SLC38A10: variants seen among roughly 807,000 people sequenced by gnomAD.
SLC38A10 encodes the protein Sodium-coupled neutral amino acid transporter 10.
SLC38A10 carries 53 observed loss-of-function variants against 81.0 expected under a neutral mutation model. The observed-to-expected ratio is 0.65, with a 90% CI of 0.53 to 0.82. The LOEUF is 0.82. Among genes scored for constraint, SLC38A10 ranks in the 40% least tolerant of loss-of-function variants. The probability of loss-of-function intolerance (pLI) is 0.00; values close to 1 mark genes in which losing one functional copy is unlikely to be tolerated. For missense variants in SLC38A10, 1,471 were observed against 1,545.0 expected, an observed-to-expected ratio of 0.95 and a Z score of 0.80; for synonymous variants, 665 against 655.3, an observed-to-expected ratio of 1.01 and a Z score of -0.23.
intron 10 of SLC38A10, among the ~76,000 whole-genome samples, chr17:81,267,990 A>G (rs2063083860): frequency 6.6e-6 from 1 of 151,500 alleles, no homozygotes; most frequent in Non-Finnish European, 1.5e-5. Flanking sequence ...CTCGAGGGAG[A>G]GAAGGAAACC....
At chr17:81,292,271 C>T (rs1347285557) in intron 1 of SLC38A10, among the ~76,000 whole-genome samples, 2 of 151,982 alleles carry the variant, frequency 1.3e-5, no homozygotes, top group African/African-American at 4.8e-5. Flanking sequence ...GGACTACAGG[C>T]GCCTGACATC....
At position 81,273,319 on chromosome 17, in the gene SLC38A10, G is replaced by T. The variant is rs1272714899; in HGVS notation, c.913-692C>A. ...CCAGGACCCCCAGCTGTGGTCTCTAGTACAGGACACAGGAGCCAGACCACC... is the reference window on the plus strand; with the variant it reads ...CCAGGACCCCCAGCTGTGGTCTCTATTACAGGACACAGGAGCCAGACCACC... On this transcript the variant is annotated intron_variant, in intron 8 of 15. Transcript: ENST00000374759. Among the ~76,000 whole-genome samples the T allele has an allele frequency of 4.6e-5, 7 of 152,144 alleles. No individual in the cohort carries two copies. The East Asian group carries it at 1.3e-3, about 29-fold the overall frequency.
intron 6 of SLC38A10, chr17:81,280,200 G>A: frequency 2.2e-6 from 1 of 446,242 alleles, no homozygotes; most frequent in South Asian, 1.6e-5. Flanking sequence ...CGCACATGCA[G>A]GCCTCCAAAT....
In SLC38A10 at chr17:81,245,619, T is replaced by C. The variant is rs2062840522; in HGVS notation, c.3297A>G (p.Gly1099=). ...GCCGGCTGTGGACCACCTGCAGAGCTCCCCCCGCAGCCTGGCGGAGCTGGG... is the reference window on the plus strand; with the variant it reads ...GCCGGCTGTGGACCACCTGCAGAGCCCCCCCCGCAGCCTGGCGGAGCTGGG... ...LDAQLRQAAG[G]ALQVVHSRQL... The change falls in exon 16 of 16, where the codon GGA becomes GGG. Residue 1099 remains glycine (G), a synonymous_variant. Coordinates refer to ENST00000374759, the MANE Select transcript of SLC38A10 (RefSeq NM_001037984.3). 1 of 1,611,726 alleles carries C rather than the reference T, an allele frequency of 6.2e-7. No individual in the cohort carries two copies. Among genetic ancestry groups the C allele is most frequent in the South Asian group, 1.1e-5 (1 of 91,000 alleles).
At position 81,260,946 on chromosome 17, in the gene SLC38A10, C is replaced by T. The variant is rs58340336; in HGVS notation, c.1132-552G>A. On this transcript the variant is annotated intron_variant, in intron 10 of 15. Transcript: ENST00000374759. ...CGCAAGGCTGGCCCCGTGCAGCAGA[C>T]GCAGGCCCGTGCGCATGAAGGGCTT... Among the ~76,000 whole-genome samples the T allele has an allele frequency of 9.8e-4, 150 of 152,374 alleles. 2 individuals carry two copies. In the East Asian group the frequency reaches 0.023, roughly 23 times the overall value.
rs959992977 is a variant in SLC38A10 at position 81,255,367 on chromosome 17, C to T, written c.1289-2127G>A. Among the ~76,000 whole-genome samples the T allele has an allele frequency of 2.0e-5, 3 of 152,266 alleles. No individual in the cohort carries two copies. In the East Asian group the frequency reaches 5.8e-4, roughly 29 times the overall value. On this transcript the variant is annotated intron_variant, in intron 11 of 15. Coordinates refer to ENST00000374759, the MANE Select transcript of SLC38A10 (RefSeq NM_001037984.3). ...CAGGGACAGTTTGCCGGCAGTGCCT[C>T]TTGGCTGCAGTAAAACTAACACAAA...
At position 81,246,524 on chromosome 17, in the gene SLC38A10, G is replaced by A. The variant is rs1385626346; in HGVS notation, c.2392C>T (p.Leu798Phe). 7 of 1,525,016 alleles carry A rather than the reference G, an allele frequency of 4.6e-6. No homozygotes were observed. The highest frequency in any genetic ancestry group is 5.3e-6 in the Non-Finnish European group (6 of 1,138,304). 94.5% of individuals were successfully genotyped at this position (1,525,016 alleles called of 1,614,324 possible). A position where few individuals can be genotyped will look rare whatever the true frequency, so the allele number is the denominator to read the frequency against. ...PGGRPAPSQD[L>F]NQRSLEHSEG... ...GAGTGCTCCAGGGAGCGCTGGTTAAGGTCCTGGGATGGAGCAGGGCGGCCC... is the reference window on the plus strand; with the variant it reads ...GAGTGCTCCAGGGAGCGCTGGTTAAAGTCCTGGGATGGAGCAGGGCGGCCC... The change falls in exon 16 of 16, where the codon CTT becomes TTT. Residue 798 changes from leucine to phenylalanine, a missense_variant. This residue lies in a region of SLC38A10 where 751 missense variants were observed against 717.4 expected (regional missense o/e 1.05). Coordinates refer to ENST00000374759, the MANE Select transcript of SLC38A10 (RefSeq NM_001037984.3).
rs1444280531 is a variant in SLC38A10, at chr17:81,277,150, C to T, written c.627-17G>A. The T allele has an allele frequency of 1.2e-6, 2 of 1,612,280 alleles. No individual in the cohort carries two copies. Among genetic ancestry groups the T allele is most frequent in the East Asian group, 2.2e-5 (1 of 44,866 alleles). ...AGCACCTGGCTGTATAGAAACAGGC[C>T]ATTTCACAGCGGACCTGAGAGAGGC... On this transcript the variant is annotated splice_polypyrimidine_tract_variant and intron_variant, in intron 6 of 15. Transcript: ENST00000374759. This position sits in a 1 kb window ranked among gnomAD's most constrained non-coding sequence, Gnocchi z 4.5.
chr17:81,271,243 G>A (rs564026754), intron 9 of SLC38A10, among the ~76,000 whole-genome samples: 1 of 152,342 alleles, frequency 6.6e-6, no homozygotes, highest in East Asian at 1.9e-4. Context: ...ATTCTCTGAT[G>A]GTTCATCTTT....
intron 1 of SLC38A10, among the ~76,000 whole-genome samples, chr17:81,293,303 G>A (rs72850652): frequency 0.063 from 9,597 of 152,328 alleles, 362 homozygotes; most frequent in East Asian, 0.13. Context: ...AGAGGTGGCT[G>A]GCAGAAAGCT....
rs758052660 is a variant in SLC38A10 at position 81,265,831 on chromosome 17, G to A, written c.1131+5087C>T. Among the ~76,000 whole-genome samples the A allele has an allele frequency of 9.9e-5, 15 of 152,174 alleles. No homozygotes were observed. The highest frequency in any genetic ancestry group is 3.2e-3 in the Middle Eastern group (1 of 316). Reference sequence around the variant, plus strand: ...GCACACGGTGGTCCGCTGGCCCCACGACCTACTGCGGAGCCGTAGGAGCGC... The same window carrying A: ...GCACACGGTGGTCCGCTGGCCCCACAACCTACTGCGGAGCCGTAGGAGCGC... On this transcript the variant is annotated intron_variant, in intron 10 of 15. Coordinates refer to ENST00000374759, the MANE Select transcript of SLC38A10 (RefSeq NM_001037984.3). The surrounding 1 kb of genome is among the most constrained non-coding windows in gnomAD (Gnocchi z 4.2).
rs2062940095 is a variant in SLC38A10 at position 81,253,550 on chromosome 17, T to G, written c.1289-310A>C. 6.6e-6 allele frequency among the ~76,000 whole-genome samples: 1 copy of G among 151,744 alleles called. No individual in the cohort carries two copies. Among genetic ancestry groups the G allele is most frequent in the Non-Finnish European group, 1.5e-5 (1 of 67,906 alleles). On this transcript the variant is annotated intron_variant, in intron 11 of 15. Coordinates refer to ENST00000374759, the MANE Select transcript of SLC38A10 (RefSeq NM_001037984.3). The surrounding 1 kb of genome is among the most constrained non-coding windows in gnomAD (Gnocchi z 4.1). ...ACCCACTCTCCCACAGTCCCCTCCATTACCATCACCTCCATCATCACCGTC... is the reference window on the plus strand; with the variant it reads ...ACCCACTCTCCCACAGTCCCCTCCAGTACCATCACCTCCATCATCACCGTC...
rs1404033261 is a variant in SLC38A10 at position 81,277,037 on chromosome 17, G to A, written c.723C>T (p.Tyr241=). 11 of 1,613,694 alleles carry A rather than the reference G, an allele frequency of 6.8e-6. No homozygotes were observed. Among genetic ancestry groups the A allele is most frequent in the South Asian group, 5.5e-5 (5 of 91,082 alleles). The change falls in exon 7 of 16, where the codon TAC becomes TAT. Residue 241 remains tyrosine (Y), a synonymous_variant. Coordinates refer to ENST00000374759, the MANE Select transcript of SLC38A10 (RefSeq NM_001037984.3). This position sits in a 1 kb window ranked among gnomAD's most constrained non-coding sequence, Gnocchi z 4.5. The part of the protein sequence containing the change: ...ASSLNVVTTF[Y]VMVGFFGYVS... Reference sequence around the variant, plus strand: ...GGCGTGGCAAGGCTCTTACCATGACGTAGAAGGTGGTGACCACATTAAGGG... The same window carrying A: ...GGCGTGGCAAGGCTCTTACCATGACATAGAAGGTGGTGACCACATTAAGGG...
chr17:81,246,725 C>T, intron 15 of SLC38A10, 52 bp from the exon 16 acceptor site: 1 of 1,500,704 alleles, frequency 6.7e-7, no homozygotes, highest in Non-Finnish European at 8.9e-7. Context: ...CACAGGCTGC[C>T]AGTGGAGGGG....
rs752480152 is a variant in SLC38A10, at chr17:81,253,052, C to G, written c.1456+21G>C. 1 of 1,608,682 alleles carries G rather than the reference C, an allele frequency of 6.2e-7. No homozygotes were observed. The highest frequency in any genetic ancestry group is 8.5e-7 in the Non-Finnish European group (1 of 1,178,512). On this transcript the variant is annotated intron_variant, in intron 12 of 15. Coordinates refer to ENST00000374759, the MANE Select transcript of SLC38A10 (RefSeq NM_001037984.3). The surrounding 1 kb of genome is among the most constrained non-coding windows in gnomAD (Gnocchi z 4.1). The stretch of plus-strand genomic sequence containing the variant: ...CCGGGGCCGCCCTTCCCCATCCGCA[C>G]CCCCAGCCAGTGCCCAGCACCTTGC...
intron 1 of SLC38A10, among the ~76,000 whole-genome samples, chr17:81,293,154 C>G (rs906585293): frequency 6.6e-6 from 1 of 152,222 alleles, no homozygotes; most frequent in Admixed American, 6.5e-5. Flanking sequence ...CAGAGCGAGA[C>G]TCCGTCTTGA....
intron 11 of SLC38A10, among the ~76,000 whole-genome samples, chr17:81,256,659 T>C (rs2062975582): frequency 6.6e-6 from 1 of 152,242 alleles, no homozygotes; most frequent in Non-Finnish European, 1.5e-5. Context: ...GTGAGAACAA[T>C]GGCCGCTGAC....
In SLC38A10 at chr17:81,271,017, G is replaced by T; in HGVS notation, c.1032C>A (p.Thr344=). The change falls in exon 10 of 16, where the codon ACC becomes ACA. Residue 344 remains threonine (T), a synonymous_variant. Coordinates refer to ENST00000374759, the MANE Select transcript of SLC38A10 (RefSeq NM_001037984.3). The stretch of plus-strand genomic sequence containing the variant: ...TGGTCGCTCCTGTGAGGCCCAGGAT[G>T]GTCTCCACTAGGATGGAGAAGTGAC... ...VGGILIPNVE[T]ILGLTGATMG... The T allele has an allele frequency of 6.2e-7, 1 of 1,611,828 alleles. No individual in the cohort carries two copies. The highest frequency in any genetic ancestry group is 8.5e-7 in the Non-Finnish European group (1 of 1,179,598).
chr17:81,293,208 C>T (rs1359170372), intron 1 of SLC38A10, among the ~76,000 whole-genome samples: 1 of 152,250 alleles, frequency 6.6e-6, no homozygotes, highest in Non-Finnish European at 1.5e-5. Context: ...GAAGGACCAG[C>T]TACTGCTCCA....
Sources: gnomAD v4.1 joint callset for allele counts (sites outside exome capture counted in the v4.1 genomes callset) on GRCh38, gnomAD v4.1.1 for gene constraint, gnomAD v4.1.1 regional missense constraint, Gnocchi (gnomAD v3.1) non-coding constraint, MANE v1.5 for transcripts, NCBI Gene and HGNC (gene_info 2026-07-23, HGNC 2026-07-21) for gene names.